PTPRD: variants seen among roughly 807,000 people sequenced by gnomAD.
PTPRD encodes the protein protein tyrosine phosphatase receptor type D.
Under a neutral mutation model 214.5 loss-of-function variants are expected in PTPRD, and 34 were observed. That is an observed-to-expected ratio of 0.16 (90% CI 0.12 to 0.21). The LOEUF (loss-of-function observed/expected upper bound fraction) is 0.21. PTPRD is among the 10% of genes least tolerant of loss of function. The pLI is 1.00. For synonymous variants in PTPRD, 1,128 were observed against 845.7 expected, an observed-to-expected ratio of 1.33 and a Z score of -5.79; for missense variants, 2,545 against 2,398.7, an observed-to-expected ratio of 1.06 and a Z score of -1.27.
intron 5 of PTPRD, among the ~76,000 whole-genome samples, chr9:9,824,022 A>G (rs150363974): frequency 7.2e-5 from 11 of 152,176 alleles, no homozygotes; most frequent in African/African-American, 1.9e-4. Context: ...AAATGTAAAA[A>G]TGAAAAGAAA....
At chr9:8,701,572 G>C (rs2098085245) in intron 12 of PTPRD, 1 of 152,616 alleles carries the variant, frequency 6.6e-6, no homozygotes, top group Middle Eastern at 3.1e-3. Context: ...GGGAGGCGGA[G>C]GTTGCAGTGA....
chr9:9,669,433 G>A (rs1470287976), intron 7 of PTPRD, among the ~76,000 whole-genome samples: 1 of 152,112 alleles, frequency 6.6e-6, no homozygotes, highest in East Asian at 1.9e-4. Flanking sequence ...AAAGATCAAA[G>A]TGGTGCATCA....
chr9:8,383,874 G>C (rs1274186359), intron 37 of PTPRD, among the ~76,000 whole-genome samples: 1 of 152,164 alleles, frequency 6.6e-6, no homozygotes, highest in Non-Finnish European at 1.5e-5. Context: ...TGAAGTAAAA[G>C]TCAGATATAT....
At chr9:9,049,860 A>C (rs1308519706) in intron 10 of PTPRD, among the ~76,000 whole-genome samples, 1 of 152,194 alleles carries the variant, frequency 6.6e-6, no homozygotes, top group Non-Finnish European at 1.5e-5. Flanking sequence ...CATTACCTCC[A>C]TTTCAATAAA....
chr9:8,671,525 C>G (rs931399955), intron 12 of PTPRD, among the ~76,000 whole-genome samples: 11 of 152,012 alleles, frequency 7.2e-5, no homozygotes, highest in African/African-American at 2.7e-4. Context: ...TTCCTGAATC[C>G]ATTTTCTAAA....
chr9:10,533,042 G>C (rs1311914857), intron 2 of PTPRD, among the ~76,000 whole-genome samples: 1 of 152,020 alleles, frequency 6.6e-6, no homozygotes, highest in Admixed American at 6.6e-5. Context: ...TCTCCAGATA[G>C]GGTGAGTTCT....
At chr9:9,421,390 A>G (rs750673804) in intron 8 of PTPRD, among the ~76,000 whole-genome samples, 11 of 152,048 alleles carry the variant, frequency 7.2e-5, no homozygotes, top group Non-Finnish European at 1.3e-4. Flanking sequence ...CTCTCTCCCT[A>G]TTTCTTAGGA....
chr9:10,240,229 T>C (rs146423586), intron 3 of PTPRD, among the ~76,000 whole-genome samples: 1 of 152,152 alleles, frequency 6.6e-6, no homozygotes, highest in Non-Finnish European at 1.5e-5. Flanking sequence ...CAGATCGTTT[T>C]CTCTGTACCT....
intron 7 of PTPRD, among the ~76,000 whole-genome samples, chr9:9,677,296 A>G (rs913421358): frequency 5.3e-5 from 8 of 151,852 alleles, no homozygotes; most frequent in African/African-American, 1.9e-4. Context: ...ATCTTGAGTT[A>G]ATTTTTGTAT....
intron 7 of PTPRD, among the ~76,000 whole-genome samples, chr9:9,648,842 T>G (rs1192875099): frequency 6.6e-6 from 1 of 152,140 alleles, no homozygotes; most frequent in Admixed American, 6.5e-5. Flanking sequence ...TCAAATAAGC[T>G]GTAGATGGGA....
At chr9:10,470,363 T>C (rs1233847893) in intron 2 of PTPRD, among the ~76,000 whole-genome samples, 1 of 152,124 alleles carries the variant, frequency 6.6e-6, no homozygotes, top group East Asian at 1.9e-4. Context: ...ATCCATTATA[T>C]AGCTAAAGTA....
At chr9:8,957,659 C>T (rs895816079) in intron 11 of PTPRD, among the ~76,000 whole-genome samples, 4 of 151,904 alleles carry the variant, frequency 2.6e-5, no homozygotes, top group Non-Finnish European at 4.4e-5. Flanking sequence ...ACAAGATGTA[C>T]ATCTCATCTG....
rs574161840 is a variant in PTPRD, at chr9:10,091,264, T to A, written c.-544-57474A>T. ...TTCTTTCATAAAATAATCATTTATG[T>A]CTCTCTGGCAAGATTGGGATGTCCC... is the stretch of plus-strand genomic sequence containing the variant. On this transcript the variant is annotated intron_variant, in intron 3 of 45. Coordinates refer to ENST00000381196, the MANE Select transcript of PTPRD (RefSeq NM_002839.4). Among the ~76,000 whole-genome samples the A allele has an allele frequency of 3.2e-3, 481 of 151,662 alleles. 2 individuals are homozygous for A. The highest frequency in any genetic ancestry group is 0.011 in the African/African-American group (450 of 41,480).
At chr9:10,139,132 C>T (rs2098963831) in intron 3 of PTPRD, among the ~76,000 whole-genome samples, 1 of 151,992 alleles carries the variant, frequency 6.6e-6, no homozygotes, top group East Asian at 1.9e-4. Flanking sequence ...TGATTCTATA[C>T]CTGGAAAACC....
chr9:10,156,026 CTATTA>C (rs2099090286), intron 3 of PTPRD, among the ~76,000 whole-genome samples: 1 of 147,676 alleles, frequency 6.8e-6, no homozygotes, highest in African/African-American at 2.5e-5. Flanking sequence ...GGAAACTCTT[CTATTA>C]TGTTTTTCCA....
intron 3 of PTPRD, among the ~76,000 whole-genome samples, chr9:10,093,925 G>T (rs1001348304): frequency 1.3e-5 from 2 of 151,248 alleles, no homozygotes; most frequent in African/African-American, 4.8e-5. Context: ...GTAGACACGG[G>T]GGACTACTAG....
At position 10,032,934 on chromosome 9, in the gene PTPRD, T is replaced by C. The variant is rs2097109804; in HGVS notation, c.-472+784A>G. ...GAACTTGAGTGAAGATTGAGTATTT[T>C]TAACTGATGAAGTATTCCACCCAAA... is the stretch of plus-strand genomic sequence containing the variant. On this transcript the variant is annotated intron_variant, in intron 4 of 45. Coordinates refer to ENST00000381196, the MANE Select transcript of PTPRD (RefSeq NM_002839.4). Among the ~76,000 whole-genome samples, 3 of 152,040 alleles carry C rather than the reference T, an allele frequency of 2.0e-5. No homozygotes were observed. In the East Asian group the frequency reaches 5.8e-4, roughly 30 times the overall value.
intron 5 of PTPRD, among the ~76,000 whole-genome samples, chr9:9,829,963 G>C (rs960894746): frequency 1.3e-5 from 2 of 151,670 alleles, no homozygotes; most frequent in Non-Finnish European, 2.9e-5. Flanking sequence ...CAATAGAGTA[G>C]ACTTTCTTTT....
intron 5 of PTPRD, among the ~76,000 whole-genome samples, chr9:9,833,592 C>T (rs1268331552): frequency 2.0e-5 from 2 of 100,208 alleles, no homozygotes; most frequent in Non-Finnish European, 4.0e-5. Flanking sequence ...GCGGGAATTT[C>T]CTCTTCCTAA....
Sources: allele counts gnomAD v4.1 joint callset (sites outside exome capture counted in the v4.1 genomes callset), GRCh38; gene constraint gnomAD v4.1.1; transcripts MANE v1.5; gene names NCBI Gene and HGNC (gene_info 2026-07-23, HGNC 2026-07-21).